AKAP13: variants seen among roughly 807,000 people sequenced by gnomAD.
AKAP13 encodes A-kinase anchoring protein 13, also known as A-kinase anchor protein 13.
AKAP13 carries 80 observed loss-of-function variants against 264.5 expected under a neutral mutation model. The observed-to-expected ratio is 0.30, with a 90% CI of 0.25 to 0.36. The LOEUF is 0.36. Among genes scored for constraint, AKAP13 ranks in the 10% least tolerant of loss-of-function variants. The pLI, the probability that AKAP13 is intolerant of heterozygous loss-of-function variation, is 1.00. For synonymous variants in AKAP13, 1,380 were observed against 1,250.2 expected, an observed-to-expected ratio of 1.10 and a Z score of -2.19; for missense variants, 3,712 against 3,435.2, an observed-to-expected ratio of 1.08 and a Z score of -2.01.
chr15:85,573,822 G>A (rs1254187298), intron 5 of AKAP13, among the ~76,000 whole-genome samples: 1 of 152,128 alleles, frequency 6.6e-6, no homozygotes. Context: ...CTACTTTTAA[G>A]AAGGGAAGGC....
At position 85,746,568 on chromosome 15, in the gene AKAP13, T is replaced by C. The variant is rs1298974533; in HGVS notation, c.*1891T>C. 1 of 152,162 alleles carries C rather than the reference T, an allele frequency of 6.6e-6. No individual in the cohort carries two copies. The highest frequency in any genetic ancestry group is 1.9e-4 in the East Asian group (1 of 5,186). The allele number at this position is 152,162 out of a possible 1,614,324, so 9.4% of individuals were successfully genotyped here. A position where few individuals can be genotyped will look rare whatever the true frequency, so the allele number is the denominator to read the frequency against. On this transcript the variant is annotated 3_prime_UTR_variant, in exon 37 of 37. Transcript: ENST00000394518. The stretch of plus-strand genomic sequence containing the variant: ...GACCTACCTTTGCCTTTTTCTGTCA[T>C]GGAGAATACTCACCCTTCAGAAACA...
Position 85,717,298 on chromosome 15 carries a change from A to G in AKAP13, c.5744A>G (p.Asn1915Ser), listed in dbSNP as rs1255328362. 4.4e-6 allele frequency: 7 copies of G among 1,606,736 alleles called. No homozygotes were observed. The highest frequency in any genetic ancestry group is 4.0e-5 in the African/African-American group (3 of 74,392). Reference protein sequence around the residue: ...VSIQNITGVGNDENMSNTWKF... With the variant: ...VSIQNITGVGSDENMSNTWKF... ...TTTTCTTTTGTCCCCAGAGTTGGCA[A>G]TGATGAGAACATGTCAAACACCTGG... The change falls in exon 21 of 37, where the codon AAT becomes AGT. Residue 1915 changes from asparagine to serine, a missense_variant. By Grantham distance (46) the Asn-to-Ser change is conservative (BLOSUM62 1). Transcript: ENST00000394518.
At position 85,748,036 on chromosome 15, in the gene AKAP13, AACCT is replaced by A. The variant is rs1355945607; in HGVS notation, c.*3360_*3363del. 3.3e-5 allele frequency: 5 copies of A among 152,336 alleles called. No homozygotes were observed. The allele number at this position is 152,336 out of a possible 1,614,324, so 9.4% of individuals were successfully genotyped here. A position where few individuals can be genotyped will look rare whatever the true frequency, so the allele number is the denominator to read the frequency against. On this transcript the variant is annotated 3_prime_UTR_variant, in exon 37 of 37. Coordinates refer to ENST00000394518, the MANE Select transcript of AKAP13 (RefSeq NM_007200.5). ...CTGCCTTAGTAGAGGGTGGGACTAT[AACCT>A]TAGAGGCCAGAACTTGATCCAGAAG...
intron 1 of AKAP13, among the ~76,000 whole-genome samples, chr15:85,397,727 T>G (rs932376063): frequency 3.3e-5 from 5 of 152,230 alleles, no homozygotes; most frequent in African/African-American, 1.2e-4. Flanking sequence ...TATACTTCAT[T>G]CAGCATTTTA....
chr15:85,697,671 AT>A (rs1346737072), intron 17 of AKAP13, among the ~76,000 whole-genome samples: 1 of 152,250 alleles, frequency 6.6e-6, no homozygotes, highest in Non-Finnish European at 1.5e-5. Context: ...ACTGAGTAAA[AT>A]TTAAAGCATG....
chr15:85,656,217 G>C (rs757940341), intron 11 of AKAP13, among the ~76,000 whole-genome samples: 2 of 152,150 alleles, frequency 1.3e-5, no homozygotes, highest in Non-Finnish European at 2.9e-5. Context: ...AAGTCTTTCA[G>C]AGTATTTTCT....
At chr15:85,649,965 T>C (rs1170612136) in intron 10 of AKAP13, among the ~76,000 whole-genome samples, 6 of 152,252 alleles carry the variant, frequency 3.9e-5, no homozygotes, top group South Asian at 2.1e-4. Context: ...TTATTTTTCT[T>C]CCCCAGGTTA....
At chr15:85,432,793 G>A (rs1395146170) in intron 1 of AKAP13, among the ~76,000 whole-genome samples, 1 of 152,114 alleles carries the variant, frequency 6.6e-6, no homozygotes, top group Non-Finnish European at 1.5e-5. Flanking sequence ...CACTGGGGGA[G>A]GCTCTTAGCA....
At chr15:85,539,392 TC>T (rs67788925) in intron 4 of AKAP13, among the ~76,000 whole-genome samples, 32,096 of 152,042 alleles carry the variant, frequency 0.21, 3,633 homozygotes, top group African/African-American at 0.3. Context: ...AGCTGAGAAT[TC>T]CTGCATCATG....
chr15:85,658,354 A>G (rs1331636265), intron 11 of AKAP13, among the ~76,000 whole-genome samples, 183 bp from the exon 12 acceptor site: 1 of 152,180 alleles, frequency 6.6e-6, no homozygotes, highest in African/African-American at 2.4e-5. Flanking sequence ...GTAGCCCTCC[A>G]CAGAAACTGT....
At chr15:85,739,249 G>C (rs557517219) in intron 33 of AKAP13, among the ~76,000 whole-genome samples, 1 of 152,188 alleles carries the variant, frequency 6.6e-6, no homozygotes, top group East Asian at 1.9e-4. Flanking sequence ...CTACCCATTA[G>C]ACATACAAAT....
At position 85,719,066 on chromosome 15, in the gene AKAP13, C is replaced by T. The variant is rs149516751; in HGVS notation, c.6002-10C>T. On this transcript the variant is annotated splice_polypyrimidine_tract_variant and intron_variant, in intron 22 of 36. Coordinates refer to ENST00000394518, the MANE Select transcript of AKAP13 (RefSeq NM_007200.5). ...GTGTTCCTGACACTTGATCTTTTTC[C>T]TCCTTTTAGAGTTGATGCAGACAGA... 2.5e-6 allele frequency: 4 copies of T among 1,612,658 alleles called. No individual in the cohort carries two copies. The East Asian group carries it at 6.7e-5, about 27-fold the overall frequency.
chr15:85,671,907 C>G (rs968028393), intron 14 of AKAP13, among the ~76,000 whole-genome samples: 1 of 152,090 alleles, frequency 6.6e-6, no homozygotes, highest in African/African-American at 2.4e-5. Flanking sequence ...AGACCTTTTT[C>G]CTATATTTTG....
At chr15:85,558,931 CT>C (rs527345279) in intron 5 of AKAP13, among the ~76,000 whole-genome samples, 87 of 152,080 alleles carry the variant, frequency 5.7e-4, no homozygotes, top group African/African-American at 1.9e-3. Context: ...CCTCCCTTCC[CT>C]TTCCCCTCCC....
At chr15:85,602,378 G>A (rs1411673875) in intron 8 of AKAP13, among the ~76,000 whole-genome samples, 1 of 152,060 alleles carries the variant, frequency 6.6e-6, no homozygotes. Context: ...GTTTCTCCAT[G>A]TTGGCCAGGC....
chr15:85,428,207 CTGAT>C (rs1009336304), intron 1 of AKAP13, among the ~76,000 whole-genome samples: 2 of 152,122 alleles, frequency 1.3e-5, no homozygotes, highest in Non-Finnish European at 2.9e-5. Context: ...CCTTTATTGA[CTGAT>C]TGATTGAGAC....
intron 10 of AKAP13, among the ~76,000 whole-genome samples, chr15:85,654,803 G>A (rs1398363290): frequency 5.9e-5 from 9 of 151,984 alleles, no homozygotes; most frequent in African/African-American, 2.2e-4. Context: ...CAGCCTGGGT[G>A]ACAGAGTGAG....
At chr15:85,517,056 A>C (rs1280274597) in intron 2 of AKAP13, among the ~76,000 whole-genome samples, 18 of 152,178 alleles carry the variant, frequency 1.2e-4, no homozygotes. Context: ...AGAATTCCTG[A>C]AAATTTAACA....
intron 5 of AKAP13, among the ~76,000 whole-genome samples, chr15:85,563,677 G>A (rs1567127511): frequency 1.3e-5 from 2 of 152,126 alleles, no homozygotes; most frequent in Non-Finnish European, 2.9e-5. Context: ...GAGAGCACAG[G>A]CTTTGGGAGC....
Sources: allele counts gnomAD v4.1 joint callset (sites outside exome capture counted in the v4.1 genomes callset), GRCh38; gene constraint gnomAD v4.1.1; transcripts MANE v1.5; gene names NCBI Gene and HGNC (gene_info 2026-07-23, HGNC 2026-07-21).